BPNT1: variants seen among roughly 807,000 people sequenced by gnomAD.
BPNT1 encodes 3'(2'),5'-bisphosphate nucleotidase 1.
BPNT1 carries 28 observed loss-of-function variants against 36.9 expected under a neutral mutation model. The ratio of observed to expected loss-of-function variants is 0.76; its 90% CI spans 0.56 to 1.04. The LOEUF is 1.04. BPNT1 is among the 50% of genes least tolerant of loss of function. The pLI is 0.00. For synonymous variants in BPNT1, 119 were observed against 130.9 expected (o/e 0.91, Z 0.62); for missense variants, 313 against 372.9 (o/e 0.84, Z 1.32).
At chr1:220,060,933 CAATT>C (rs2102628280) in intron 7 of BPNT1, among the ~76,000 whole-genome samples, 1 of 152,234 alleles carries the variant, frequency 6.6e-6, no homozygotes, top group South Asian at 2.1e-4. Flanking sequence ...TTCTGATTGA[CAATT>C]GATTGGGTTT....
intron 1 of BPNT1, among the ~76,000 whole-genome samples, chr1:220,081,880 T>C (rs1010930421): frequency 6.6e-6 from 1 of 151,840 alleles, no homozygotes; most frequent in Non-Finnish European, 1.5e-5. Flanking sequence ...CTTCTCCAAC[T>C]TTCTTCCCTT....
intron 4 of BPNT1, 59 bp downstream of exon 4, chr1:220,072,791 C>A: frequency 6.5e-6 from 9 of 1,375,332 alleles, no homozygotes; most frequent in Non-Finnish European, 7.2e-6. Flanking sequence ...AATATTATTT[C>A]CTTTACTATG....
intron 1 of BPNT1, among the ~76,000 whole-genome samples, chr1:220,085,253 A>G (rs1655608814): frequency 6.6e-6 from 1 of 152,204 alleles, no homozygotes. Context: ...ACTTTCTTAA[A>G]GCAGTTCAAA....
intron 1 of BPNT1, among the ~76,000 whole-genome samples, chr1:220,081,640 C>T (rs563062236): frequency 1.3e-4 from 20 of 152,196 alleles, no homozygotes; most frequent in African/African-American, 4.8e-4. Context: ...AGCTTATTTC[C>T]CCACTTGCTG....
chr1:220,058,335 G>C lies in BPNT1; in HGVS notation c.*509C>G. 1.0e-6 allele frequency: 1 copy of C among 986,876 alleles called. No homozygotes were observed. Among genetic ancestry groups the C allele is most frequent in the Non-Finnish European group, 1.2e-6 (1 of 830,314 alleles). 61.1% of individuals were successfully genotyped at this position (986,876 alleles called of 1,614,324 possible). The stretch of plus-strand genomic sequence containing the variant: ...TATAAGTTCTCCAGACGTCAAAATT[G>C]GTCTGGTTGATTAATCAAGTTAAAT... On this transcript the variant is annotated 3_prime_UTR_variant, in exon 9 of 9. Transcript: ENST00000322067.
In BPNT1 at chr1:220,079,829, A is replaced by G. The variant is rs373707160; in HGVS notation, c.18T>C (p.Thr6=). The part of the protein sequence containing the change: MASSN[T]VLMRLVASAY... Reference sequence around the variant, plus strand: ...CGGAGGCTACCAACCGCATCAACACAGTGTTACTGGAAGCCATGGTACACT... The same window carrying G: ...CGGAGGCTACCAACCGCATCAACACGGTGTTACTGGAAGCCATGGTACACT... The change falls in exon 2 of 9, where the codon ACT becomes ACC. Residue 6 remains threonine (T), a synonymous_variant. Transcript: ENST00000322067. 6 of 1,613,852 alleles carry G rather than the reference A, an allele frequency of 3.7e-6. No individual in the cohort carries two copies. In the African/African-American group the frequency reaches 6.7e-5, roughly 18 times the overall value.
intron 2 of BPNT1, among the ~76,000 whole-genome samples, chr1:220,075,457 G>T (rs959336847): frequency 6.6e-6 from 1 of 152,158 alleles, no homozygotes; most frequent in Non-Finnish European, 1.5e-5. Flanking sequence ...GTACTATTCT[G>T]CTAGAATGTA....
chr1:220,088,839 C>T (rs1656016591), intron 1 of BPNT1, among the ~76,000 whole-genome samples: 2 of 150,504 alleles, frequency 1.3e-5, no homozygotes, highest in Admixed American at 1.3e-4. Context: ...GTGGCTCACG[C>T]CTGTAATCCC....
In BPNT1 at chr1:220,074,004, G is replaced by A. The variant is rs748252014; in HGVS notation, c.188C>T (p.Ala63Val). 5.0e-6 allele frequency: 8 copies of A among 1,614,088 alleles called. No homozygotes were observed. In the South Asian group the frequency reaches 6.6e-5, roughly 13 times the overall value. The change falls in exon 3 of 9, where the codon GCC becomes GTC. Residue 63 changes from alanine to valine, a missense_variant. By Grantham distance (64) the Ala-to-Val change is moderately conservative. Transcript: ENST00000322067. ...AATTGTGAGTTTGGGGAATTTCCGG[G>A]CCAATGAAGAACATATGCTCATCTG... ...LAQMSICSSL[A>V]RKFPKLTIIG... is the part of the protein sequence containing the mutation.
intron 2 of BPNT1, among the ~76,000 whole-genome samples, chr1:220,077,176 T>C (rs1664627185): frequency 6.6e-6 from 1 of 152,190 alleles, no homozygotes. Context: ...GTGGATAATG[T>C]TATTCATCCA....
intron 2 of BPNT1, among the ~76,000 whole-genome samples, chr1:220,076,158 G>C (rs1280220437): frequency 1.3e-5 from 2 of 152,064 alleles, no homozygotes; most frequent in Non-Finnish European, 2.9e-5. Context: ...CACAAGGTCA[G>C]GAGTTCGAGA....
At chr1:220,069,853 T>A (rs927769277) in intron 4 of BPNT1, among the ~76,000 whole-genome samples, 1 of 151,938 alleles carries the variant, frequency 6.6e-6, no homozygotes, top group Non-Finnish European at 1.5e-5. Context: ...GGAGAATCAC[T>A]TGAACTCAGG....
intron 2 of BPNT1, among the ~76,000 whole-genome samples, chr1:220,077,131 T>C (rs1282735898): frequency 6.6e-6 from 1 of 152,190 alleles, no homozygotes; most frequent in Non-Finnish European, 1.5e-5. Flanking sequence ...CAGTGATCCT[T>C]TTCCAGGATG....
At chr1:220,083,355 C>G (rs1414969955) in intron 1 of BPNT1, among the ~76,000 whole-genome samples, 1 of 149,950 alleles carries the variant, frequency 6.7e-6, no homozygotes, top group Non-Finnish European at 1.5e-5. Flanking sequence ...GATGGAGTCT[C>G]GCTCTATCGC....
chr1:220,057,924 TC>T lies in BPNT1; in HGVS notation c.*919del. The T allele has an allele frequency of 8.2e-7, 1 of 1,222,356 alleles. No individual in the cohort carries two copies. Among genetic ancestry groups the T allele is most frequent in the Non-Finnish European group, 1.1e-6 (1 of 921,626 alleles). The allele number at this position is 1,222,356 out of a possible 1,614,324, so 75.7% of individuals were successfully genotyped here. A position where few individuals can be genotyped will look rare whatever the true frequency, so the allele number is the denominator to read the frequency against. On this transcript the variant is annotated 3_prime_UTR_variant, in exon 9 of 9. Coordinates refer to ENST00000322067, the MANE Select transcript of BPNT1 (RefSeq NM_006085.6). ...CAGGTGCGGTGGCTCACACCTGTAA[TC>T]CCAGCACTTTGGGAGTCCGAGGCAG...
At chr1:220,081,986 T>C (rs1655168332) in intron 1 of BPNT1, among the ~76,000 whole-genome samples, 1 of 149,164 alleles carries the variant, frequency 6.7e-6, no homozygotes, top group African/African-American at 2.5e-5. Context: ...AATTAACCTG[T>C]GACAAAAACT....
rs1013647437 is a variant in BPNT1 at position 220,078,436 on chromosome 1, TATA to T, written c.120+1288_120+1290del. Reference sequence around the variant, plus strand: ...TTTATAATAATAAATAATAATTATATATAATAATTATACTTATATATAAATAAT... The same window carrying T: ...TTTATAATAATAAATAATAATTATATATAATTATACTTATATATAAATAAT... On this transcript the variant is annotated intron_variant, in intron 2 of 8. Transcript: ENST00000322067. 5.9e-3 allele frequency among the ~76,000 whole-genome samples: 827 copies of T among 140,194 alleles called. 7 individuals carry two copies. The highest frequency in any genetic ancestry group is 9.0e-3 in the Non-Finnish European group (589 of 65,622). 92.0% of individuals were successfully genotyped at this position (140,194 alleles called of 152,430 possible). A position where few individuals can be genotyped will look rare whatever the true frequency, so the allele number is the denominator to read the frequency against.
chr1:220,062,654 T>C (rs1663157329), intron 7 of BPNT1, 103 bp downstream of exon 7: 3 of 1,224,058 alleles, frequency 2.5e-6, no homozygotes, highest in Admixed American at 3.8e-5. Flanking sequence ...TTTGGGTATA[T>C]ACCCAGTAAT....
chr1:220,058,924 CT>C lies in BPNT1; in HGVS notation c.846del (p.Gly283GlufsTer6). On this transcript the variant is annotated frameshift_variant, in exon 9 of 9. Coordinates refer to ENST00000322067, the MANE Select transcript of BPNT1 (RefSeq NM_006085.6). LOFTEE classifies it high-confidence loss of function. ...YHKDVKHMNSAGVLATLRNYD... is the reference protein window; with the variant it reads ...YHKDVKHMNSXGVLATLRNYD... ...TAATTCCTCAGTGTGGCCAGGACTCCTGCAGAGTTCATATGCTTCACATCCT... is the reference window on the plus strand; with the variant it reads ...TAATTCCTCAGTGTGGCCAGGACTCCGCAGAGTTCATATGCTTCACATCCT... 1 of 1,613,890 alleles carries C rather than the reference CT, an allele frequency of 6.2e-7. No individual in the cohort carries two copies. The highest frequency in any genetic ancestry group is 2.2e-5 in the East Asian group (1 of 44,886).
Sources: allele counts gnomAD v4.1 joint callset (sites outside exome capture counted in the v4.1 genomes callset), GRCh38; gene constraint gnomAD v4.1.1; transcripts MANE v1.5; gene names NCBI Gene and HGNC (gene_info 2026-07-23, HGNC 2026-07-21).